Variants in PDE10A observed in about 807,000 individuals in gnomAD.
The protein encoded by PDE10A is phosphodiesterase 10A, also known as cAMP and cAMP-inhibited cGMP 3',5'-cyclic phosphodiesterase 10A.
Under a neutral mutation model 97.7 loss-of-function variants are expected in PDE10A, and 39 were observed. The ratio of observed to expected loss-of-function variants is 0.40; its 90% CI spans 0.31 to 0.52. PDE10A has a LOEUF of 0.52. PDE10A is among the 20% of genes least tolerant of loss of function. The pLI is 0.56. For synonymous variants in PDE10A, 371 were observed against 376.8 expected, an observed-to-expected ratio of 0.98 and a Z score of 0.18; for missense variants, 731 against 1,047.8, an observed-to-expected ratio of 0.70 and a Z score of 4.17.
intron 1 of PDE10A, among the ~76,000 whole-genome samples, chr6:165,964,933 G>A (rs1021391580): frequency 1.3e-5 from 2 of 152,170 alleles, no homozygotes; most frequent in African/African-American, 4.8e-5. Context: ...AGGCAGACAG[G>A]AGAAGGAAGG....
intron 18 of PDE10A, among the ~76,000 whole-genome samples, chr6:165,345,921 G>C (rs908085574): frequency 2.0e-5 from 3 of 152,162 alleles, no homozygotes; most frequent in African/African-American, 7.2e-5. Context: ...TGAAGATCTG[G>C]GAGGAAGGTC....
intron 13 of PDE10A, among the ~76,000 whole-genome samples, chr6:165,408,293 T>C (rs1469711230): frequency 6.6e-6 from 1 of 152,232 alleles, no homozygotes; most frequent in African/African-American, 2.4e-5. Context: ...GTATGTTCTC[T>C]AGAAAGTAGA....
intron 1 of PDE10A, among the ~76,000 whole-genome samples, chr6:165,853,526 T>A (rs1203279376): frequency 6.6e-6 from 1 of 152,242 alleles, no homozygotes; most frequent in Non-Finnish European, 1.5e-5. Flanking sequence ...TTCAGGATAT[T>A]ATTTTGTATA....
At chr6:165,384,366 C>T (rs956768214) in intron 17 of PDE10A, among the ~76,000 whole-genome samples, 22 of 152,038 alleles carry the variant, frequency 1.4e-4, no homozygotes, top group African/African-American at 5.3e-4. Flanking sequence ...AGCGACGGGC[C>T]CCAAACACCA....
chr6:165,752,315 C>T (rs1050209978), intron 1 of PDE10A, among the ~76,000 whole-genome samples: 2 of 151,986 alleles, frequency 1.3e-5, no homozygotes, highest in Non-Finnish European at 2.9e-5. Flanking sequence ...TTGGTGAAGC[C>T]AAGGACCCTC....
chr6:165,379,156 AC>A, intron 18 of PDE10A, 37 bp downstream of exon 18: 1 of 1,366,266 alleles, frequency 7.3e-7, no homozygotes, highest in Admixed American at 2.0e-5. Context: ...TCCAGATAAC[AC>A]TTTCTGGGCT....
chr6:165,401,829 T>C (rs1349170448), intron 13 of PDE10A, among the ~76,000 whole-genome samples: 1 of 152,202 alleles, frequency 6.6e-6, no homozygotes, highest in Non-Finnish European at 1.5e-5. Flanking sequence ...TTATTTAATA[T>C]CATTTACCCA....
At chr6:165,969,279 A>G (rs1784601550) in intron 1 of PDE10A, among the ~76,000 whole-genome samples, 1 of 152,182 alleles carries the variant, frequency 6.6e-6, no homozygotes, top group South Asian at 2.1e-4. Flanking sequence ...TTCCCCTGAC[A>G]AGATAAGCAG....
intron 1 of PDE10A, among the ~76,000 whole-genome samples, chr6:165,561,969 A>C (rs1784545340): frequency 6.6e-6 from 1 of 152,156 alleles, no homozygotes; most frequent in Admixed American, 6.5e-5. Flanking sequence ...ATTAAATTTG[A>C]ATTTCAGAAA....
intron 1 of PDE10A, among the ~76,000 whole-genome samples, chr6:165,825,857 C>T (rs1779727121): frequency 1.3e-5 from 2 of 152,222 alleles, no homozygotes; most frequent in South Asian, 2.1e-4. Flanking sequence ...TTCCATCACT[C>T]CTTACCCGGC....
At chr6:165,854,130 C>T (rs543938727) in intron 1 of PDE10A, among the ~76,000 whole-genome samples, 1 of 152,286 alleles carries the variant, frequency 6.6e-6, no homozygotes, top group African/African-American at 2.4e-5. Context: ...GAGACCCTCC[C>T]GTGCCACGGG....
At chr6:165,405,838 G>C (rs1016260502) in intron 13 of PDE10A, among the ~76,000 whole-genome samples, 2 of 152,172 alleles carry the variant, frequency 1.3e-5, no homozygotes, top group Non-Finnish European at 2.9e-5. Context: ...CTGCAGAGCA[G>C]GCGCTTTTGG....
rs908902210 is a variant in PDE10A at position 165,487,348 on chromosome 6, G to A, written c.995-5005C>T. On this transcript the variant is annotated intron_variant, in intron 2 of 21. Coordinates refer to ENST00000539869, the MANE Select transcript of PDE10A (RefSeq NM_001385079.1). ...TAAGTGACACACTTCAGGTGTCACT[G>A]TCTCCCGTCACCCCAGACGGGACTG... is the stretch of plus-strand genomic sequence containing the variant. 7.9e-5 allele frequency among the ~76,000 whole-genome samples: 12 copies of A among 152,268 alleles called. No homozygotes were observed. In the East Asian group the frequency reaches 1.7e-3, roughly 22 times the overall value.
At chr6:165,559,932 T>G (rs1784440735) in intron 1 of PDE10A, among the ~76,000 whole-genome samples, 2 of 152,182 alleles carry the variant, frequency 1.3e-5, no homozygotes, top group South Asian at 4.1e-4. Context: ...CCCAGACATG[T>G]GAAACTGTGA....
chr6:165,534,218 A>G (rs1398707445), intron 2 of PDE10A, among the ~76,000 whole-genome samples: 1 of 151,914 alleles, frequency 6.6e-6, no homozygotes. Context: ...CTAGACACAC[A>G]TAACCTGACA....
intron 1 of PDE10A, among the ~76,000 whole-genome samples, chr6:165,631,221 C>T (rs1302273345): frequency 5.3e-5 from 8 of 152,134 alleles, no homozygotes; most frequent in Admixed American, 5.2e-4. Context: ...AGGATTCAAT[C>T]CACAATCTTT....
In PDE10A at chr6:165,531,852, C is replaced by T. The variant is rs1051923340; in HGVS notation, c.994+11588G>A. Among the ~76,000 whole-genome samples the T allele has an allele frequency of 2.6e-5, 4 of 152,072 alleles. No homozygotes were observed. The East Asian group carries it at 7.7e-4, about 29-fold the overall frequency. On this transcript the variant is annotated intron_variant, in intron 2 of 21. Transcript: ENST00000539869. ...ACAATCAATGTAGAACACCAACAGG[C>T]TAATATATGAAATGGGAATTAAAAG...
At chr6:165,898,719 C>A (rs1307276480) in intron 1 of PDE10A, among the ~76,000 whole-genome samples, 1 of 152,146 alleles carries the variant, frequency 6.6e-6, no homozygotes, top group African/African-American at 2.4e-5. Flanking sequence ...CACTCCCAGA[C>A]TCAGCCCTCA....
intron 1 of PDE10A, among the ~76,000 whole-genome samples, chr6:165,974,271 C>T (rs1189340625): frequency 6.6e-6 from 1 of 152,196 alleles, no homozygotes; most frequent in Non-Finnish European, 1.5e-5. Flanking sequence ...GTGACTCCAA[C>T]GACTGCAAGA....
Sources: allele counts gnomAD v4.1 joint callset (sites outside exome capture counted in the v4.1 genomes callset), GRCh38; gene constraint gnomAD v4.1.1; transcripts MANE v1.5; gene names NCBI Gene and HGNC (gene_info 2026-07-23, HGNC 2026-07-21).